SGCZ: variants seen among roughly 807,000 people sequenced by gnomAD.
SGCZ encodes the protein zeta-sarcoglycan.
SGCZ carries 40 observed loss-of-function variants against 41.3 expected under a neutral mutation model. The observed-to-expected ratio is 0.97, with a 90% confidence interval of 0.75 to 1.26. The LOEUF is 1.26. SGCZ is among the 50% of genes most tolerant of loss of function. The pLI, the probability that SGCZ is intolerant of heterozygous loss-of-function variation, is 0.00. For synonymous variants in SGCZ, 206 were observed against 137.5 expected, an observed-to-expected ratio of 1.50 and a Z score of -3.49; for missense variants, 552 against 369.8, an observed-to-expected ratio of 1.49 and a Z score of -4.04.
intron 3 of SGCZ, among the ~76,000 whole-genome samples, chr8:14,303,834 C>T (rs1022827499): frequency 6.6e-6 from 1 of 152,058 alleles, no homozygotes; most frequent in Admixed American, 6.5e-5. Flanking sequence ...TCACTGCAAC[C>T]TCCATTCCCT....
At chr8:14,329,635 C>G (rs11203598) in intron 2 of SGCZ, among the ~76,000 whole-genome samples, 4 of 151,942 alleles carry the variant, frequency 2.6e-5, no homozygotes, top group African/African-American at 9.7e-5. Context: ...GGGTATAGAT[C>G]TGTGTCCTCC....
chr8:14,627,330 A>G (rs115395719), intron 1 of SGCZ, among the ~76,000 whole-genome samples: 2,021 of 152,202 alleles, frequency 0.013, 21 homozygotes, highest in African/African-American at 0.032. Context: ...TTTGCCTTCA[A>G]TTTGGAGGGA....
At chr8:14,491,958 C>CA (rs1020228972) in intron 2 of SGCZ, among the ~76,000 whole-genome samples, 2 of 144,688 alleles carry the variant, frequency 1.4e-5, no homozygotes, top group Non-Finnish European at 3.2e-5. Context: ...AGAAATTGTT[C>CA]AATAAATCTA....
At chr8:14,313,938 G>A (rs7016601) in intron 3 of SGCZ, among the ~76,000 whole-genome samples, 1,842 of 151,700 alleles carry the variant, frequency 0.012, 42 homozygotes, top group African/African-American at 0.042. Flanking sequence ...GTGTGTGTGT[G>A]TGTGTGTGTG....
intron 2 of SGCZ, among the ~76,000 whole-genome samples, chr8:14,355,822 C>A (rs984494890): frequency 1.3e-5 from 2 of 152,008 alleles, no homozygotes; most frequent in African/African-American, 4.8e-5. Context: ...AAAAAAACAG[C>A]AAATTCCCTG....
chr8:14,528,389 C>T (rs555240014), intron 2 of SGCZ, among the ~76,000 whole-genome samples: 5 of 152,118 alleles, frequency 3.3e-5, no homozygotes, highest in East Asian at 1.9e-4. Context: ...AATATGTATG[C>T]GTGTTCACAT....
chr8:14,150,413 G>A (rs765486273), intron 5 of SGCZ, among the ~76,000 whole-genome samples: 2 of 151,992 alleles, frequency 1.3e-5, no homozygotes, highest in East Asian at 1.9e-4. Context: ...TGGCAAACAG[G>A]CATACAAAAA....
intron 1 of SGCZ, among the ~76,000 whole-genome samples, chr8:15,015,550 G>A (rs1330243984): frequency 6.6e-6 from 1 of 151,622 alleles, no homozygotes; most frequent in Non-Finnish European, 1.5e-5. Context: ...AGGCGAGTGT[G>A]ATGGCAGGCA....
intron 4 of SGCZ, among the ~76,000 whole-genome samples, chr8:14,234,303 T>C (rs1341631390): frequency 1.3e-5 from 2 of 152,034 alleles, no homozygotes; most frequent in Admixed American, 1.3e-4. Context: ...GCCTAATCAC[T>C]GGACTACATA....
chr8:14,146,880 A>T (rs1183113622), intron 5 of SGCZ, among the ~76,000 whole-genome samples: 1 of 129,534 alleles, frequency 7.7e-6, no homozygotes, highest in Non-Finnish European at 1.8e-5. Context: ...TCAAAAAATA[A>T]AAATAAAAAA....
At chr8:14,134,506 G>A (rs1026028489) in intron 5 of SGCZ, among the ~76,000 whole-genome samples, 2 of 152,164 alleles carry the variant, frequency 1.3e-5, no homozygotes, top group Admixed American at 1.3e-4. Context: ...GTAATTTCCT[G>A]TGTCTGAGGA....
At position 14,651,130 on chromosome 8, in the gene SGCZ, T is replaced by C. The variant is rs534493896; in HGVS notation, c.40-96204A>G. Among the ~76,000 whole-genome samples the C allele has an allele frequency of 6.6e-5, 10 of 152,138 alleles. No homozygotes were observed. In the South Asian group the frequency reaches 1.9e-3, roughly 28 times the overall value. The stretch of plus-strand genomic sequence containing the variant: ...TGGTAACCACATATACAATTAAGAA[T>C]GTTACTATAATTGATATCATCTTGC... On this transcript the variant is annotated intron_variant, in intron 1 of 7. Coordinates refer to ENST00000382080, the MANE Select transcript of SGCZ (RefSeq NM_139167.4).
At chr8:14,861,948 G>A (rs1803764180) in intron 1 of SGCZ, among the ~76,000 whole-genome samples, 1 of 151,856 alleles carries the variant, frequency 6.6e-6, no homozygotes, top group Admixed American at 6.6e-5. Flanking sequence ...TTATACCAGT[G>A]AATCTTTGCT....
At chr8:14,446,096 G>A (rs11776773) in intron 2 of SGCZ, among the ~76,000 whole-genome samples, 71,948 of 151,870 alleles carry the variant, frequency 0.47, 17,431 homozygotes, top group African/African-American at 0.55. Flanking sequence ...CCATTTTTTC[G>A]TACCCAAGTA....
intron 1 of SGCZ, among the ~76,000 whole-genome samples, chr8:14,656,012 A>C (rs1807556471): frequency 6.6e-6 from 1 of 152,034 alleles, no homozygotes; most frequent in Non-Finnish European, 1.5e-5. Flanking sequence ...CCCTTGAAGC[A>C]CATCAGGGTT....
chr8:14,436,494 G>T (rs11997851), intron 2 of SGCZ, among the ~76,000 whole-genome samples: 4,551 of 152,204 alleles, frequency 0.03, 209 homozygotes, highest in African/African-American at 0.1. Flanking sequence ...GGATTTGTGA[G>T]GTCAAAATTA....
chr8:14,503,048 A>G (rs1451806782), intron 2 of SGCZ, among the ~76,000 whole-genome samples: 2 of 152,214 alleles, frequency 1.3e-5, no homozygotes, highest in Non-Finnish European at 2.9e-5. Context: ...ACTCACCCAA[A>G]TGCCCATCAA....
chr8:14,458,342 T>A (rs902990289), intron 2 of SGCZ, among the ~76,000 whole-genome samples: 4 of 152,288 alleles, frequency 2.6e-5, no homozygotes, highest in African/African-American at 9.6e-5. Flanking sequence ...GATATCATAA[T>A]GCCAAAGACA....
intron 1 of SGCZ, among the ~76,000 whole-genome samples, chr8:14,981,912 G>A (rs1057178681): frequency 3.9e-5 from 6 of 152,138 alleles, no homozygotes; most frequent in Admixed American, 2.0e-4. Context: ...CACTTTGGGA[G>A]GCTGAAGCAG....
Sources: allele counts gnomAD v4.1 joint callset (sites outside exome capture counted in the v4.1 genomes callset), GRCh38; gene constraint gnomAD v4.1.1; transcripts MANE v1.5; gene names NCBI Gene and HGNC (gene_info 2026-07-23, HGNC 2026-07-21).